The following CCDC180 variants were observed in gnomAD, a reference collection of about 807,000 sequenced individuals.
CCDC180 encodes the protein coiled-coil domain-containing protein 180.
CCDC180 carries 154 observed loss-of-function variants against 209.2 expected under a neutral mutation model. The ratio of observed to expected loss-of-function variants is 0.74; its 90% confidence interval spans 0.65 to 0.84. CCDC180 has a LOEUF of 0.84. CCDC180 is among the 40% of genes least tolerant of loss of function. CCDC180 has a pLI of 0.00. For synonymous variants in CCDC180, 778 were observed against 749.1 expected, an observed-to-expected ratio of 1.04 and a Z score of -0.63; for missense variants, 1,874 against 1,997.3, an observed-to-expected ratio of 0.94 and a Z score of 1.18.
chr9:97,367,372 G>A (rs1478935825), intron 31 of CCDC180, among the ~76,000 whole-genome samples: 1 of 152,066 alleles, frequency 6.6e-6, no homozygotes, highest in Non-Finnish European at 1.5e-5. Flanking sequence ...GAGAGTTCAG[G>A]GGATAGCCAG....
chr9:97,328,168 AC>A, intron 16 of CCDC180, 22 bp downstream of exon 16: 1 of 1,608,100 alleles, frequency 6.2e-7, no homozygotes, highest in Non-Finnish European at 8.5e-7. Flanking sequence ...GTGATGATAC[AC>A]CCAGCCACTC....
intron 6 of CCDC180, 46 bp downstream of exon 6, chr9:97,314,567 T>G: frequency 6.2e-7 from 1 of 1,613,504 alleles, no homozygotes; most frequent in African/African-American, 1.3e-5. Flanking sequence ...AGGTCCTGCT[T>G]CTTCCCTGCC....
chr9:97,353,844 A>G (rs952374160), intron 22 of CCDC180, among the ~76,000 whole-genome samples: 3 of 152,114 alleles, frequency 2.0e-5, no homozygotes, highest in Non-Finnish European at 2.9e-5. Flanking sequence ...CAGTCTTACA[A>G]TGCAAATGTT....
At chr9:97,327,927 C>T (rs1833588166) in intron 15 of CCDC180, 93 bp from the exon 16 acceptor site, 1 of 1,410,970 alleles carries the variant, frequency 7.1e-7, no homozygotes, top group Admixed American at 2.1e-5. Context: ...AGCAGCTCTA[C>T]ACAGAGTTGT....
Position 97,343,392 on chromosome 9 carries a change from C to T in CCDC180, c.2327C>T (p.Ser776Phe), listed in dbSNP as rs745550977. ...LEEIYYEDME[S>F]FTISSGNTYF... ...GAGATATACTATGAGGACATGGAGT[C>T]CTTCACAATCTCCAGTGGAAACACT... The change falls in exon 19 of 37, where the codon TCC becomes TTC. Residue 776 changes from serine to phenylalanine, a missense_variant. Physicochemically the swap from Ser to Phe is radical, Grantham distance 155. Transcript: ENST00000529487. 3.7e-6 allele frequency: 6 copies of T among 1,613,738 alleles called. No homozygotes were observed. The highest frequency in any genetic ancestry group is 5.1e-6 in the Non-Finnish European group (6 of 1,179,748).
chr9:97,361,963 A>T (rs1378005316), intron 27 of CCDC180, 65 bp downstream of exon 27: 1 of 1,561,548 alleles, frequency 6.4e-7, no homozygotes, highest in African/African-American at 1.4e-5. Context: ...ACCTTCAGGG[A>T]CCAGCTTTGG....
chr9:97,335,898 T>C (rs892714857), intron 18 of CCDC180, among the ~76,000 whole-genome samples: 7 of 152,236 alleles, frequency 4.6e-5, no homozygotes, highest in Non-Finnish European at 1.0e-4. Flanking sequence ...TATCTCTTTG[T>C]GGTTTTGATT....
Position 97,355,008 on chromosome 9 carries a change from G to A in CCDC180, c.3264G>A (p.Gln1088=), listed in dbSNP as rs570701065. 1.3e-5 allele frequency: 20 copies of A among 1,587,978 alleles called. No individual in the cohort carries two copies. In the Admixed American group the frequency reaches 2.7e-4, roughly 21 times the overall value. ...LTNLQVKIKC[Q]VAKSNSQTNG... is the part of the protein sequence containing the mutation. Reference sequence around the variant, plus strand: ...ATCTGCAAGTGAAAATCAAGTGCCAGGTAGGATAGATTCATTCTTCATCAA... The same window carrying A: ...ATCTGCAAGTGAAAATCAAGTGCCAAGTAGGATAGATTCATTCTTCATCAA... Residue 1088 remains glutamine, a splice_region_variant and synonymous_variant, in exon 24 of 37, where the codon CAG becomes CAA. Coordinates refer to ENST00000529487, the MANE Select transcript of CCDC180 (RefSeq NM_020893.6).
At chr9:97,354,305 A>G (rs1826503642) in intron 22 of CCDC180, among the ~76,000 whole-genome samples, 1 of 152,090 alleles carries the variant, frequency 6.6e-6, no homozygotes, top group African/African-American at 2.4e-5. Context: ...TTACCTTTAT[A>G]CAGTTCCAAG....
chr9:97,339,759 G>T (rs1413831543), intron 18 of CCDC180, among the ~76,000 whole-genome samples: 1 of 152,184 alleles, frequency 6.6e-6, no homozygotes, highest in Non-Finnish European at 1.5e-5. Flanking sequence ...GTGTTTTCCA[G>T]CTTGGTTCCA....
Position 97,362,914 on chromosome 9 carries a change from C to G in CCDC180, c.3902+473C>G, listed in dbSNP as rs555423465. ...GAAGGCAAGGGGAATCCCTGCTTTGCCTTTCCCTCCAGAAGGTCTTTTTGA... is the reference window on the plus strand; with the variant it reads ...GAAGGCAAGGGGAATCCCTGCTTTGGCTTTCCCTCCAGAAGGTCTTTTTGA... On this transcript the variant is annotated intron_variant, in intron 28 of 36. Transcript: ENST00000529487. Among the ~76,000 whole-genome samples, 94 of 152,314 alleles carry G rather than the reference C, an allele frequency of 6.2e-4. No individual in the cohort carries two copies. The South Asian group carries it at 0.019, about 31-fold the overall frequency.
At chr9:97,358,801 T>A (rs1470940409) in intron 25 of CCDC180, among the ~76,000 whole-genome samples, 2 of 152,136 alleles carry the variant, frequency 1.3e-5, no homozygotes, top group African/African-American at 4.8e-5. Context: ...GCCTGAAGGT[T>A]CTGGAGTGGG....
At chr9:97,327,511 A>T in intron 15 of CCDC180, among the ~76,000 whole-genome samples, 1 of 152,156 alleles carries the variant, frequency 6.6e-6, no homozygotes, top group East Asian at 1.9e-4. Flanking sequence ...GTTCTCTGTG[A>T]ACTTTCTTGC....
At position 97,376,948 on chromosome 9, in the gene CCDC180, A is replaced by G; in HGVS notation, c.*54A>G. 6.4e-7 allele frequency: 1 copy of G among 1,566,384 alleles called. No homozygotes were observed. On this transcript the variant is annotated 3_prime_UTR_variant, in exon 37 of 37. Coordinates refer to ENST00000529487, the MANE Select transcript of CCDC180 (RefSeq NM_020893.6). The stretch of plus-strand genomic sequence containing the variant: ...TCTTATACAGACTCCTTCCCTGTCC[A>G]TCTACCTGCCTACCTACTTTCCGTC...
Position 97,309,442 on chromosome 9 carries a change from C to G in CCDC180, c.98C>G (p.Thr33Ser). 1 of 1,601,640 alleles carries G rather than the reference C, an allele frequency of 6.2e-7. No individual in the cohort carries two copies. The highest frequency in any genetic ancestry group is 1.1e-5 in the South Asian group (1 of 88,928). ...CAGCTGGTCCACTCCCTGGCGGCCA[C>G]CAGGAAGCGGGCTGCAGAGCGTTCT... ...EVQLVHSLAA[T>S]RKRAAERSVT... The change falls in exon 3 of 37, where the codon ACC becomes AGC. Residue 33 changes from threonine (T) to serine (S), a missense_variant. Coordinates refer to ENST00000529487, the MANE Select transcript of CCDC180 (RefSeq NM_020893.6).
intron 15 of CCDC180, 31 bp from the exon 16 acceptor site, chr9:97,327,989 G>C (rs991128855): frequency 6.2e-7 from 1 of 1,602,740 alleles, no homozygotes; most frequent in Non-Finnish European, 8.5e-7. Context: ...TTCCTAGCTG[G>C]GGTCTCCTGT....
intron 18 of CCDC180, among the ~76,000 whole-genome samples, chr9:97,339,966 C>T (rs561907924): frequency 7.2e-5 from 11 of 152,188 alleles, no homozygotes; most frequent in Non-Finnish European, 1.2e-4. Context: ...CTGAAACTTG[C>T]GCATGCGTCA....
intron 3 of CCDC180, 49 bp from the exon 4 acceptor site, chr9:97,312,064 T>G: frequency 1.9e-6 from 3 of 1,547,094 alleles, no homozygotes; most frequent in Non-Finnish European, 2.7e-6. Flanking sequence ...AGAGCTGCCA[T>G]GGATGGCATC....
intron 27 of CCDC180, 122 bp from the exon 28 acceptor site, chr9:97,362,074 G>A: frequency 1.4e-6 from 2 of 1,431,688 alleles, no homozygotes; most frequent in South Asian, 2.7e-5. Flanking sequence ...CATCTGAAAT[G>A]GGGCTCGTGA....
Sources: allele counts gnomAD v4.1 joint callset (sites outside exome capture counted in the v4.1 genomes callset), GRCh38; gene constraint gnomAD v4.1.1; transcripts MANE v1.5; gene names NCBI Gene and HGNC (gene_info 2026-07-23, HGNC 2026-07-21).